THAP9: variants seen among roughly 807,000 people sequenced by gnomAD.
THAP9 encodes the protein DNA transposase THAP9.
THAP9 carries 20 observed loss-of-function variants against 35.7 expected under a neutral mutation model. The observed-to-expected ratio is 0.56, with a 90% CI of 0.39 to 0.81. THAP9 has a LOEUF of 0.81. Among genes scored for constraint, THAP9 ranks in the 40% least tolerant of loss-of-function variants. THAP9 has a pLI of 0.00. For synonymous variants in THAP9, 335 were observed against 373.7 expected, an observed-to-expected ratio of 0.90 and a Z score of 1.19; for missense variants, 870 against 1,047.4, an observed-to-expected ratio of 0.83 and a Z score of 2.34.
Position 82,906,411 on chromosome 4 carries a change from G to A in THAP9, c.364G>A (p.Glu122Lys). 6.2e-7 allele frequency: 1 copy of A among 1,613,760 alleles called. No homozygotes were observed. The highest frequency in any genetic ancestry group is 8.5e-7 in the Non-Finnish European group (1 of 1,179,730). ...LPDNSQEVAT[E>K]DHNYSLKTPL... ...AGACAATTCTCAAGAAGTTGCTACT[G>A]AGGACCATAACTATAGTTTAAAGAC... The change falls in exon 3 of 5, where the codon GAG (glutamate) becomes AAG (lysine). Residue 122 changes from glutamate (E) to lysine (K), a missense_variant. By Grantham distance (56) the Glu-to-Lys change is moderately conservative. Around this residue, in one of 3 missense-constraint regions of THAP9, gnomAD observed 440 missense variants for 501.2 expected, o/e 0.88. Transcript: ENST00000302236.
At chr4:82,911,879 T>G (rs1409664591) in intron 4 of THAP9, among the ~76,000 whole-genome samples, 12 of 152,210 alleles carry the variant, frequency 7.9e-5, no homozygotes, top group South Asian at 2.1e-4. Flanking sequence ...TGGTCAAAAC[T>G]GTTGTCTTTC....
chr4:82,906,312 T>A lies in THAP9; in HGVS notation c.277-12T>A. 2.6e-6 allele frequency: 4 copies of A among 1,537,496 alleles called. No homozygotes were observed. The Admixed American group carries it at 8.8e-5, about 34-fold the overall frequency. ...TTTCTAAAATAACTTTAATTTTATA[T>A]ATCTGTCATAGATTCCTCAAGGTGT... On this transcript the variant is annotated splice_polypyrimidine_tract_variant and intron_variant, in intron 2 of 4. Transcript: ENST00000302236.
rs192165021 is a variant in THAP9, at chr4:82,914,766, C to T, written c.732-2178C>T. On this transcript the variant is annotated intron_variant, in intron 4 of 4. Coordinates refer to ENST00000302236, the MANE Select transcript of THAP9 (RefSeq NM_024672.6). Reference sequence around the variant, plus strand: ...TATTTTCTCCCATTCTGTAGGATGTCTGTTTACTGTTGACATTTTCTTTTG... The same window carrying T: ...TATTTTCTCCCATTCTGTAGGATGTTTGTTTACTGTTGACATTTTCTTTTG... Among the ~76,000 whole-genome samples, 553 of 152,246 alleles carry T rather than the reference C, an allele frequency of 3.6e-3. 1 individual carries two copies. The highest frequency in any genetic ancestry group is 0.013 in the African/African-American group (524 of 41,520).
rs778225147 is a variant in THAP9 at position 82,917,611 on chromosome 4, A to G, written c.1399A>G (p.Asn467Asp). ...GGAAAGAATACCAAGTACACTTGCA[A>G]ATTTGAAAAATCATGTACTGAAAGT... The part of the protein sequence containing the change: ...NMERIPSTLA[N>D]LKNHVLKVNS... Residue 467 changes from asparagine to aspartate, a missense_variant, in exon 5 of 5, where the codon AAT becomes GAT. Physicochemically the swap from Asn to Asp is conservative, Grantham distance 23 (BLOSUM62 1). Around this residue, in one of 3 missense-constraint regions of THAP9, gnomAD observed 414 missense variants for 500.8 expected, o/e 0.83. Transcript: ENST00000302236. The G allele has an allele frequency of 2.5e-6, 4 of 1,613,948 alleles. No homozygotes were observed. In the South Asian group the frequency reaches 4.4e-5, roughly 18 times the overall value.
At chr4:82,912,881 T>C (rs1720912457) in intron 4 of THAP9, among the ~76,000 whole-genome samples, 1 of 152,212 alleles carries the variant, frequency 6.6e-6, no homozygotes, top group African/African-American at 2.4e-5. Context: ...TGTGTACACA[T>C]TTAAAATGTT....
Position 82,917,367 on chromosome 4 carries a change from A to G in THAP9, c.1155A>G (p.Ala385=). The part of the protein sequence containing the change: ...ATAHSVQMAK[A]LGIHIDGDDM... ...CACATAGTGTTCAGATGGCAAAAGC[A>G]TTGGGGATACATATTGATGGAGACG... The change falls in exon 5 of 5, where the codon GCA becomes GCG. Residue 385 remains alanine, a synonymous_variant. Transcript: ENST00000302236. 6.2e-7 allele frequency: 1 copy of G among 1,613,578 alleles called. No homozygotes were observed. Among genetic ancestry groups the G allele is most frequent in the Non-Finnish European group, 8.5e-7 (1 of 1,179,578 alleles).
intron 1 of THAP9, chr4:82,901,293 G>A (rs957610595): frequency 1.7e-5 from 7 of 410,926 alleles, no homozygotes; most frequent in Non-Finnish European, 2.5e-5. Flanking sequence ...AAGTTCTTAA[G>A]TGCTGTTAGC....
chr4:82,907,947 AT>A lies in THAP9; in HGVS notation c.731+19del. On this transcript the variant is annotated intron_variant, in intron 4 of 4. Coordinates refer to ENST00000302236, the MANE Select transcript of THAP9 (RefSeq NM_024672.6). ...TCCATCCTCAGAACGTAAGTGAATT[AT>A]TTTTTTATTTTTTAAAAGTGACTTT... 1 of 1,603,672 alleles carries A rather than the reference AT, an allele frequency of 6.2e-7. No individual in the cohort carries two copies. The highest frequency in any genetic ancestry group is 1.3e-5 in the African/African-American group (1 of 74,208).
At chr4:82,906,106 T>C (rs1578446100) in intron 2 of THAP9, among the ~76,000 whole-genome samples, 1 of 151,538 alleles carries the variant, frequency 6.6e-6, no homozygotes, top group East Asian at 1.9e-4. Context: ...TCAGAAACTT[T>C]CAACATCATA....
At position 82,919,513 on chromosome 4, in the gene THAP9, T is replaced by C. The variant is rs893334262; in HGVS notation, c.*589T>C. The C allele has an allele frequency of 6.6e-6, 1 of 152,326 alleles. No homozygotes were observed. Among genetic ancestry groups the C allele is most frequent in the South Asian group, 2.1e-4 (1 of 4,834 alleles). 9.4% of individuals were successfully genotyped at this position (152,326 alleles called of 1,614,324 possible). The stretch of plus-strand genomic sequence containing the variant: ...GGCAGAAGGTAAAGTACATGAGCCA[T>C]GAGATTCTTCCTTGTGCTGCAGCCA... On this transcript the variant is annotated 3_prime_UTR_variant, in exon 5 of 5. Transcript: ENST00000302236.
At position 82,918,144 on chromosome 4, in the gene THAP9, A is replaced by T. The variant is rs1362365510; in HGVS notation, c.1932A>T (p.Arg644Ser). Residue 644 changes from arginine to serine, a missense_variant, in exon 5 of 5, where the codon AGA becomes AGT. Transcript: ENST00000302236. ...AAGCTTACTATAATTTGGAGACCAGATACAAATTTCAAGATGAAGTTTTTC... is the reference window on the plus strand; with the variant it reads ...AAGCTTACTATAATTTGGAGACCAGTTACAAATTTCAAGATGAAGTTTTTC... ...FQKAYYNLET[R>S]YKFQDEVFLS... The T allele has an allele frequency of 6.2e-7, 1 of 1,614,068 alleles. No individual in the cohort carries two copies. The highest frequency in any genetic ancestry group is 8.5e-7 in the Non-Finnish European group (1 of 1,180,000).
rs545498281 is a variant in THAP9, at chr4:82,907,446, T to C, written c.581-339T>C. Among the ~76,000 whole-genome samples, 9 of 152,132 alleles carry C rather than the reference T, an allele frequency of 5.9e-5. No individual in the cohort carries two copies. The South Asian group carries it at 1.9e-3, about 32-fold the overall frequency. On this transcript the variant is annotated intron_variant, in intron 3 of 4. Coordinates refer to ENST00000302236, the MANE Select transcript of THAP9 (RefSeq NM_024672.6). ...TGTTTTTCATATCTAATTTTCACCC[T>C]CAGATAAATAGTAAGCAGGGAACAA...
At chr4:82,901,464 G>C (rs1720368132) in intron 1 of THAP9, among the ~76,000 whole-genome samples, 2 of 152,110 alleles carry the variant, frequency 1.3e-5, no homozygotes, top group Admixed American at 1.3e-4. Flanking sequence ...ACACTAGCAA[G>C]TAGAAAAGTG....
chr4:82,910,688 A>T, intron 4 of THAP9: 1 of 572,820 alleles, frequency 1.7e-6, no homozygotes, highest in Non-Finnish European at 2.9e-6. Flanking sequence ...ATAAATATTT[A>T]TTGATCAGGA....
In THAP9 at chr4:82,917,143, G is replaced by T; in HGVS notation, c.931G>T (p.Asp311Tyr). 7.4e-6 allele frequency: 12 copies of T among 1,613,322 alleles called. No individual in the cohort carries two copies. The highest frequency in any genetic ancestry group is 1.0e-5 in the Non-Finnish European group (12 of 1,179,546). Residue 311 changes from aspartate to tyrosine, a missense_variant, in exon 5 of 5, where the codon GAT (aspartate) becomes TAT (tyrosine). By Grantham distance (160) the Asp-to-Tyr change is radical. Transcript: ENST00000302236. ...TATGGACTTTGGTCTTGGAAAACTTGATGCTGATGAAACGCCACTTGCTTC... is the reference window on the plus strand; with the variant it reads ...TATGGACTTTGGTCTTGGAAAACTTTATGCTGATGAAACGCCACTTGCTTC... ...GFMDFGLGKL[D>Y]ADETPLASET...
At chr4:82,906,731 G>C in intron 3 of THAP9, 104 bp downstream of exon 3, 5 of 1,163,480 alleles carry the variant, frequency 4.3e-6, no homozygotes, top group Non-Finnish European at 5.8e-6. Context: ...GCTTTCAGTT[G>C]GGAAGTGAAA....
Position 82,907,773 on chromosome 4 carries a change from T to C in THAP9, c.581-12T>C. 3 of 1,564,762 alleles carry C rather than the reference T, an allele frequency of 1.9e-6. No individual in the cohort carries two copies. Among genetic ancestry groups the C allele is most frequent in the Non-Finnish European group, 1.7e-6 (2 of 1,161,334 alleles). On this transcript the variant is annotated splice_polypyrimidine_tract_variant and intron_variant, in intron 3 of 4. Coordinates refer to ENST00000302236, the MANE Select transcript of THAP9 (RefSeq NM_024672.6). ...TATTCATCACAAAGAATAAAAAAAT[T>C]TATTTTAACAGATTTTAAGTGGGAG...
At chr4:82,909,538 C>T (rs111684968) in intron 4 of THAP9, among the ~76,000 whole-genome samples, 1 of 151,854 alleles carries the variant, frequency 6.6e-6, no homozygotes, top group African/African-American at 2.4e-5. Context: ...TTATCTGTAA[C>T]GTTATTTTGA....
intron 4 of THAP9, among the ~76,000 whole-genome samples, chr4:82,913,724 C>T (rs1204522717): frequency 1.3e-5 from 2 of 151,696 alleles, no homozygotes; most frequent in African/African-American, 2.4e-5. Flanking sequence ...TGTATAAGTT[C>T]TCATCTTTTT....
Sources: gnomAD v4.1 joint callset for allele counts (sites outside exome capture counted in the v4.1 genomes callset) on GRCh38, gnomAD v4.1.1 for gene constraint, gnomAD v4.1.1 regional missense constraint, MANE v1.5 for transcripts, NCBI Gene and HGNC (gene_info 2026-07-23, HGNC 2026-07-21) for gene names.